Variants in KCNMB2 observed in about 807,000 individuals in gnomAD.
KCNMB2 encodes calcium-activated potassium channel subunit beta-2.
Under a neutral mutation model 24.5 loss-of-function variants are expected in KCNMB2, and 9 were observed. The ratio of observed to expected loss-of-function variants is 0.37; its 90% CI spans 0.22 to 0.64. The LOEUF (loss-of-function observed/expected upper bound fraction) is 0.64. Ranked by LOEUF, KCNMB2 falls within the 30% of genes least tolerant of loss-of-function variation. The probability of loss-of-function intolerance (pLI) is 0.63; values close to 1 mark genes in which losing one functional copy is unlikely to be tolerated. For missense variants in KCNMB2, 226 were observed against 284.3 expected (o/e 0.79, Z 1.47); for synonymous variants, 109 against 104.4 (o/e 1.04, Z -0.27).
chr3:178,546,526 A>G (rs1198763074), intron 1 of KCNMB2, among the ~76,000 whole-genome samples: 1 of 152,220 alleles, frequency 6.6e-6, no homozygotes, highest in African/African-American at 2.4e-5. Flanking sequence ...GAACGTCCTA[A>G]GGTGTCTACA....
chr3:178,737,299 T>G (rs1050654814), intron 1 of KCNMB2, among the ~76,000 whole-genome samples: 1 of 152,148 alleles, frequency 6.6e-6, no homozygotes, highest in Non-Finnish European at 1.5e-5. Flanking sequence ...TGGAAAATTT[T>G]AGTTCCATCT....
At chr3:178,772,717 C>A (rs1353963754) in intron 1 of KCNMB2, among the ~76,000 whole-genome samples, 1 of 152,156 alleles carries the variant, frequency 6.6e-6, no homozygotes, top group Non-Finnish European at 1.5e-5. Flanking sequence ...CACTGCCTTG[C>A]ATATAACAGG....
intron 1 of KCNMB2, among the ~76,000 whole-genome samples, chr3:178,610,564 G>C (rs975874885): frequency 1.3e-5 from 2 of 152,078 alleles, no homozygotes; most frequent in African/African-American, 2.4e-5. Flanking sequence ...TTCACTGTTG[G>C]CATATAGAAA....
intron 1 of KCNMB2, among the ~76,000 whole-genome samples, chr3:178,618,813 C>G (rs1029887979): frequency 2.0e-5 from 3 of 152,128 alleles, no homozygotes; most frequent in Non-Finnish European, 4.4e-5. Context: ...ATTGGGATAT[C>G]TCAAAAAGGA....
At chr3:178,743,244 T>C (rs1723553476) in intron 1 of KCNMB2, among the ~76,000 whole-genome samples, 1 of 152,214 alleles carries the variant, frequency 6.6e-6, no homozygotes, top group African/African-American at 2.4e-5. Flanking sequence ...GTCTGAATTA[T>C]GCTAGGATAA....
intron 1 of KCNMB2, among the ~76,000 whole-genome samples, chr3:178,758,403 T>C (rs1347623209): frequency 2.1e-5 from 1 of 48,202 alleles, no homozygotes; most frequent in Non-Finnish European, 3.5e-5. Flanking sequence ...TATATATATA[T>C]ATATATATAT....
intron 2 of KCNMB2, among the ~76,000 whole-genome samples, chr3:178,815,521 T>G (rs1467637788): frequency 1.3e-5 from 2 of 152,210 alleles, no homozygotes; most frequent in African/African-American, 2.4e-5. Context: ...TTACAGTAAA[T>G]ATACTATTCA....
chr3:178,619,292 T>C (rs1194363693), intron 1 of KCNMB2, among the ~76,000 whole-genome samples: 1 of 152,114 alleles, frequency 6.6e-6, no homozygotes, highest in Non-Finnish European at 1.5e-5. Context: ...AGAATAAATG[T>C]CAGAAGTCAC....
At chr3:178,578,394 G>A (rs1239265774) in intron 1 of KCNMB2, among the ~76,000 whole-genome samples, 1 of 152,106 alleles carries the variant, frequency 6.6e-6, no homozygotes, top group Admixed American at 6.6e-5. Flanking sequence ...AATATGGAGA[G>A]GAAAAACTAG....
chr3:178,656,902 A>T (rs1720365034), intron 1 of KCNMB2, among the ~76,000 whole-genome samples: 2 of 152,148 alleles, frequency 1.3e-5, no homozygotes, highest in African/African-American at 4.8e-5. Context: ...GGGGGGTGGT[A>T]AAGGAGACAA....
intron 1 of KCNMB2, among the ~76,000 whole-genome samples, chr3:178,769,605 A>G (rs1023456719): frequency 6.6e-6 from 1 of 152,242 alleles, no homozygotes; most frequent in African/African-American, 2.4e-5. Context: ...GTATAAAAAT[A>G]CTTGATTTCG....
chr3:178,661,356 A>G (rs1404084042), intron 1 of KCNMB2, among the ~76,000 whole-genome samples: 2 of 152,080 alleles, frequency 1.3e-5, no homozygotes, highest in Admixed American at 6.6e-5. Flanking sequence ...CATGGTGTAC[A>G]TGTGCCACAT....
At chr3:178,770,592 C>T (rs1286822312) in intron 1 of KCNMB2, among the ~76,000 whole-genome samples, 1 of 152,070 alleles carries the variant, frequency 6.6e-6, no homozygotes, top group Non-Finnish European at 1.5e-5. Context: ...TTTTTACCAA[C>T]ATAAAAAAGC....
rs562770975 is a variant in KCNMB2, at chr3:178,577,395, A to G, written c.-68+40684A>G. On this transcript the variant is annotated intron_variant, in intron 1 of 4. Transcript: ENST00000452583. ...CAATATCAAAACCAAAGGTAGATAAATCCATAAAGATGAGGAAAAACCAGC... is the reference window on the plus strand; with the variant it reads ...CAATATCAAAACCAAAGGTAGATAAGTCCATAAAGATGAGGAAAAACCAGC... Among the ~76,000 whole-genome samples the G allele has an allele frequency of 6.6e-5, 10 of 152,338 alleles. No individual in the cohort carries two copies. In the East Asian group the frequency reaches 1.9e-3, roughly 29 times the overall value.
intron 4 of KCNMB2, among the ~76,000 whole-genome samples, 188 bp from the exon 5 acceptor site, chr3:178,842,465 T>C (rs902672124): frequency 5.3e-5 from 8 of 152,228 alleles, no homozygotes; most frequent in African/African-American, 1.9e-4. Flanking sequence ...CTTGGTCAGA[T>C]ACCTTAAAAC....
intron 1 of KCNMB2, among the ~76,000 whole-genome samples, chr3:178,801,381 T>A (rs866900989): frequency 1.7e-4 from 26 of 152,130 alleles, no homozygotes; most frequent in Admixed American, 1.2e-3. Context: ...AAGAATGTAT[T>A]CTCTCTTATT....
chr3:178,567,836 G>A lies in KCNMB2; in HGVS notation c.-68+31125G>A, dbSNP rs181158114. Among the ~76,000 whole-genome samples the A allele has an allele frequency of 3.9e-5, 6 of 152,212 alleles. No homozygotes were observed. In the East Asian group the frequency reaches 1.2e-3, roughly 29 times the overall value. On this transcript the variant is annotated intron_variant, in intron 1 of 4. Transcript: ENST00000452583. ...GTTCAAATCCCAGCTCTACCACCCT[G>A]TGGTTTTGTGATCTTGGTTAAGTTG...
chr3:178,678,665 G>A (rs989934374), intron 1 of KCNMB2, among the ~76,000 whole-genome samples: 3 of 152,172 alleles, frequency 2.0e-5, no homozygotes, highest in African/African-American at 7.2e-5. Context: ...TCACCTATTG[G>A]GGATGCTGCT....
chr3:178,626,939 A>T (rs1191174670), intron 1 of KCNMB2, among the ~76,000 whole-genome samples: 1 of 149,692 alleles, frequency 6.7e-6, no homozygotes, highest in African/African-American at 2.4e-5. Context: ...ACTATACTAT[A>T]ACAAGTAAAC....
Sources: gnomAD v4.1 joint callset for allele counts (sites outside exome capture counted in the v4.1 genomes callset) on GRCh38, gnomAD v4.1.1 for gene constraint, MANE v1.5 for transcripts, NCBI Gene and HGNC (gene_info 2026-07-23, HGNC 2026-07-21) for gene names.